IREB2: variants seen among roughly 807,000 people sequenced by gnomAD.
The protein encoded by IREB2 is iron-responsive element-binding protein 2.
IREB2 carries 39 observed loss-of-function variants against 118.8 expected under a neutral mutation model. The ratio of observed to expected loss-of-function variants is 0.33; its 90% confidence interval spans 0.25 to 0.43. The LOEUF is 0.43. Ranked by LOEUF, IREB2 falls within the 20% of genes least tolerant of loss-of-function variation. The pLI is 1.00. For synonymous variants in IREB2, 372 were observed against 392.2 expected, an observed-to-expected ratio of 0.95 and a Z score of 0.61; for missense variants, 900 against 1,147.3, an observed-to-expected ratio of 0.78 and a Z score of 3.11.
At chr15:78,463,553 T>A (rs1182670449) in intron 3 of IREB2, among the ~76,000 whole-genome samples, 2 of 152,200 alleles carry the variant, frequency 1.3e-5, no homozygotes, top group Non-Finnish European at 2.9e-5. Flanking sequence ...ACTTAAAAAT[T>A]TTGCCCTTTC....
At chr15:78,469,282 G>A (rs184753948) in intron 5 of IREB2, among the ~76,000 whole-genome samples, 10 of 152,260 alleles carry the variant, frequency 6.6e-5, no homozygotes, top group African/African-American at 2.4e-4. Context: ...GCACTTTGTA[G>A]CCATAAGTGC....
At position 78,494,282 on chromosome 15, in the gene IREB2, T is replaced by A. The variant is rs368117906; in HGVS notation, c.2595+18T>A. On this transcript the variant is annotated intron_variant, in intron 20 of 21. Coordinates refer to ENST00000258886, the MANE Select transcript of IREB2 (RefSeq NM_004136.4). The stretch of plus-strand genomic sequence containing the variant: ...ATTTACTGGTATTGAATCTTAAAAT[T>A]TATCATCTTAAGCTTCAAAGAGTTT... The A allele has an allele frequency of 6.2e-7, 1 of 1,606,314 alleles. No homozygotes were observed. Among genetic ancestry groups the A allele is most frequent in the East Asian group, 2.2e-5 (1 of 44,846 alleles).
intron 16 of IREB2, 120 bp from the exon 17 acceptor site, chr15:78,490,302 A>G: frequency 5.1e-6 from 3 of 589,342 alleles, no homozygotes. Context: ...GATAAGGCCT[A>G]TTTTTGTTGT....
chr15:78,489,753 C>T (rs4887059), intron 16 of IREB2, among the ~76,000 whole-genome samples: 76,844 of 151,972 alleles, frequency 0.51, 20,834 homozygotes, highest in Non-Finnish European at 0.62. Context: ...TCAAGTGATC[C>T]GCCCACCTCA....
chr15:78,456,994 A>T (rs1258019679), intron 2 of IREB2, among the ~76,000 whole-genome samples: 1 of 152,194 alleles, frequency 6.6e-6, no homozygotes, highest in Non-Finnish European at 1.5e-5. Context: ...GCAACTCATA[A>T]TTTTTGGTGG....
intron 18 of IREB2, among the ~76,000 whole-genome samples, chr15:78,491,030 TA>T (rs779338520): frequency 6.6e-6 from 1 of 152,074 alleles, no homozygotes; most frequent in African/African-American, 2.4e-5. Flanking sequence ...TGATTGGAAA[TA>T]AGATTTTTCT....
At chr15:78,449,200 T>C (rs1472516547) in intron 2 of IREB2, among the ~76,000 whole-genome samples, 2 of 152,170 alleles carry the variant, frequency 1.3e-5, no homozygotes, top group Non-Finnish European at 2.9e-5. Context: ...GGTTTAGTAA[T>C]GTCAGTAATA....
At chr15:78,449,106 T>G (rs2050979621) in intron 2 of IREB2, among the ~76,000 whole-genome samples, 1 of 152,212 alleles carries the variant, frequency 6.6e-6, no homozygotes, top group Non-Finnish European at 1.5e-5. Flanking sequence ...CAACATATCT[T>G]CTAGGTGAGG....
chr15:78,457,782 CA>C (rs2051130353), intron 2 of IREB2, among the ~76,000 whole-genome samples: 1 of 151,808 alleles, frequency 6.6e-6, no homozygotes, highest in Non-Finnish European at 1.5e-5. Flanking sequence ...CTTTTATAAA[CA>C]AAAAATATTC....
intron 1 of IREB2, chr15:78,438,735 G>A: frequency 3.1e-6 from 1 of 324,896 alleles, no homozygotes; most frequent in East Asian, 6.8e-5. Flanking sequence ...TGAAGGCGGG[G>A]GCCTGCGTCT....
rs1168290981 is a variant in IREB2, at chr15:78,498,149, A to G, written c.*6A>G. Reference sequence around the variant, plus strand: ...TGGCACGAAAATTCTCATAGTATCTACTTACCATAGATACCTTTCATAACT... The same window carrying G: ...TGGCACGAAAATTCTCATAGTATCTGCTTACCATAGATACCTTTCATAACT... On this transcript the variant is annotated 3_prime_UTR_variant, in exon 22 of 22. Transcript: ENST00000258886. 1 of 1,484,048 alleles carries G rather than the reference A, an allele frequency of 6.7e-7. No individual in the cohort carries two copies. The highest frequency in any genetic ancestry group is 1.4e-5 in the African/African-American group (1 of 72,440). The allele number at this position is 1,484,048 out of a possible 1,614,324, so 91.9% of individuals were successfully genotyped here. A position where few individuals can be genotyped will look rare whatever the true frequency, so the allele number is the denominator to read the frequency against.
At chr15:78,464,051 A>G (rs1370807396) in intron 3 of IREB2, among the ~76,000 whole-genome samples, 5 of 152,096 alleles carry the variant, frequency 3.3e-5, no homozygotes, top group Admixed American at 3.3e-4. Flanking sequence ...CTTGTGTCCA[A>G]TTATTTCTTT....
At position 78,446,690 on chromosome 15, in the gene IREB2, T is replaced by A. The variant is rs149076131; in HGVS notation, c.106+6809T>A. Among the ~76,000 whole-genome samples the A allele has an allele frequency of 8.0e-4, 122 of 152,228 alleles. 2 individuals are homozygous for A. Among genetic ancestry groups the A allele is most frequent in the African/African-American group, 2.8e-3 (118 of 41,548 alleles). ...AGTCTCTCTGTGTCCTGATTACACA[T>A]TTCTGAGAGGTGAATCTAATTGCCC... On this transcript the variant is annotated intron_variant, in intron 2 of 21. Coordinates refer to ENST00000258886, the MANE Select transcript of IREB2 (RefSeq NM_004136.4).
intron 2 of IREB2, among the ~76,000 whole-genome samples, chr15:78,454,865 T>G (rs1457113261): frequency 6.6e-6 from 1 of 152,182 alleles, no homozygotes; most frequent in East Asian, 1.9e-4. Flanking sequence ...GATGAATTTT[T>G]TATTTTCTTG....
chr15:78,443,712 T>C (rs1387475971), intron 2 of IREB2, among the ~76,000 whole-genome samples: 1 of 152,140 alleles, frequency 6.6e-6, no homozygotes, highest in African/African-American at 2.4e-5. Flanking sequence ...AGTGGCATGA[T>C]CTTGGTTCAT....
Position 78,444,741 on chromosome 15 carries a change from T to C in IREB2, c.106+4860T>C, listed in dbSNP as rs917138023. 2.0e-5 allele frequency among the ~76,000 whole-genome samples: 3 copies of C among 152,322 alleles called. No individual in the cohort carries two copies. In the East Asian group the frequency reaches 5.8e-4, roughly 29 times the overall value. On this transcript the variant is annotated intron_variant, in intron 2 of 21. Coordinates refer to ENST00000258886, the MANE Select transcript of IREB2 (RefSeq NM_004136.4). ...CTACTTTTAATAAAAATAAAGTATATGTTGTTTTGTAACCCTTTTTTTCAC... is the reference window on the plus strand; with the variant it reads ...CTACTTTTAATAAAAATAAAGTATACGTTGTTTTGTAACCCTTTTTTTCAC...
At chr15:78,487,876 A>G (rs975165607) in intron 14 of IREB2, 59 bp downstream of exon 14, 5 of 1,024,718 alleles carry the variant, frequency 4.9e-6, no homozygotes, top group African/African-American at 3.2e-5. Context: ...TTTTGTTACT[A>G]AATTATAGAA....
rs779584145 is a variant in IREB2, at chr15:78,466,436, G to A, written c.576G>A (p.Ser192=). ...ELGRNSGTFS[S]QIENTPILCP... ...GCCGAAACTCAGGAACATTTTCTTC[G>A]CAGATTGAGAATACACCCATCCTGT... The change falls in exon 5 of 22, where the codon TCG becomes TCA. Residue 192 remains serine, a synonymous_variant. Transcript: ENST00000258886. 3.0e-5 allele frequency: 49 copies of A among 1,614,002 alleles called. No homozygotes were observed. The highest frequency in any genetic ancestry group is 3.9e-5 in the Non-Finnish European group (46 of 1,180,026).
At chr15:78,462,589 C>G (rs980773122) in intron 2 of IREB2, among the ~76,000 whole-genome samples, 3 of 152,064 alleles carry the variant, frequency 2.0e-5, no homozygotes, top group Non-Finnish European at 4.4e-5. Flanking sequence ...TTCTGATATT[C>G]TGTGCTTTTT....
Sources: allele counts gnomAD v4.1 joint callset (sites outside exome capture counted in the v4.1 genomes callset), GRCh38; gene constraint gnomAD v4.1.1; transcripts MANE v1.5; gene names NCBI Gene and HGNC (gene_info 2026-07-23, HGNC 2026-07-21).